NAV3: variants seen among roughly 807,000 people sequenced by gnomAD.
The protein encoded by NAV3 is neuron navigator 3.
A neutral mutation model predicts 244.7 loss-of-function variants in NAV3; 87 were observed. That is an observed-to-expected ratio of 0.36 (90% CI 0.30 to 0.42). NAV3 has a LOEUF of 0.42. Among genes scored for constraint, NAV3 ranks in the 20% least tolerant of loss-of-function variants. The pLI, the probability that NAV3 is intolerant of heterozygous loss-of-function variation, is 1.00. For synonymous variants in NAV3, 1,126 were observed against 1,042.2 expected (o/e 1.08, Z -1.55); for missense variants, 2,663 against 2,893.3 (o/e 0.92, Z 1.83).
At chr12:77,987,105 T>C (rs1478199676) in intron 5 of NAV3, among the ~76,000 whole-genome samples, 2 of 152,212 alleles carry the variant, frequency 1.3e-5, no homozygotes, top group African/African-American at 4.8e-5. Flanking sequence ...AGTTTTTAAA[T>C]ATTATTTCTC....
chr12:77,813,352 C>A (rs1872384226), intron 2 of NAV3, among the ~76,000 whole-genome samples: 1 of 152,078 alleles, frequency 6.6e-6, no homozygotes, highest in East Asian at 1.9e-4. Context: ...GGTTCTCTGC[C>A]TTTCCAGGTT....
chr12:78,147,030 G>A (rs1263477611), intron 21 of NAV3, among the ~76,000 whole-genome samples: 1 of 152,040 alleles, frequency 6.6e-6, no homozygotes, highest in Non-Finnish European at 1.5e-5. Flanking sequence ...TGAGGTAATG[G>A]CTGTTTGATT....
chr12:77,608,074 A>G (rs1433219448), intron 2 of NAV3, among the ~76,000 whole-genome samples: 5 of 152,152 alleles, frequency 3.3e-5, no homozygotes, highest in Non-Finnish European at 7.4e-5. Context: ...GACTTGAAAG[A>G]CTTTCAAAGG....
Position 78,177,705 on chromosome 12 carries a change from A to C in NAV3, c.5363+20A>C, listed in dbSNP as rs371239886. ...ATCTCGGTAAAGTGGAGTGCGATGC[A>C]TGAATACTGCAAAGATCCAGGTTCT... On this transcript the variant is annotated intron_variant, in intron 28 of 39. Coordinates refer to ENST00000397909, the MANE Select transcript of NAV3 (RefSeq NM_001024383.2). The C allele has an allele frequency of 5.0e-6, 8 of 1,594,632 alleles. No homozygotes were observed. The East Asian group carries it at 1.8e-4, about 36-fold the overall frequency.
intron 1 of NAV3, among the ~76,000 whole-genome samples, chr12:77,861,196 T>C (rs765242588): frequency 1.2e-4 from 18 of 151,772 alleles, no homozygotes; most frequent in Non-Finnish European, 1.9e-4. Flanking sequence ...GATTAAAATC[T>C]TTCCCAGATT....
chr12:78,010,556 G>C (rs1396211070), intron 8 of NAV3, among the ~76,000 whole-genome samples: 1 of 152,044 alleles, frequency 6.6e-6, no homozygotes, highest in African/African-American at 2.4e-5. Flanking sequence ...AATCTCTTCA[G>C]ATCATAAAGC....
chr12:77,657,965 A>G (rs1873205655), intron 2 of NAV3, among the ~76,000 whole-genome samples: 1 of 152,194 alleles, frequency 6.6e-6, no homozygotes, highest in Non-Finnish European at 1.5e-5. Context: ...TCTCAAAATA[A>G]TAAGAACTAT....
chr12:78,076,879 T>A (rs1953078137), intron 12 of NAV3, among the ~76,000 whole-genome samples: 1 of 152,170 alleles, frequency 6.6e-6, no homozygotes, highest in African/African-American at 2.4e-5. Context: ...AATTTTAAAA[T>A]ATTTTGACCA....
At chr12:77,812,084 T>C (rs1520730) in intron 2 of NAV3, among the ~76,000 whole-genome samples, 140,787 of 152,188 alleles carry the variant, frequency 0.93, 66,007 homozygotes, top group East Asian at 1. Context: ...TGAGATGTGC[T>C]CTATTTTTTA....
At chr12:77,754,264 G>A (rs538563431) in intron 2 of NAV3, among the ~76,000 whole-genome samples, 20 of 152,096 alleles carry the variant, frequency 1.3e-4, no homozygotes, top group South Asian at 4.1e-4. Flanking sequence ...GAATACCAAC[G>A]CCCCAGTCAC....
intron 1 of NAV3, among the ~76,000 whole-genome samples, chr12:77,862,016 T>A (rs1879328913): frequency 6.6e-6 from 1 of 151,804 alleles, no homozygotes; most frequent in South Asian, 2.1e-4. Flanking sequence ...CACACATGAA[T>A]ATACTTTTCT....
chr12:77,720,659 A>G (rs550600056), intron 2 of NAV3, among the ~76,000 whole-genome samples: 47 of 152,248 alleles, frequency 3.1e-4, no homozygotes, highest in African/African-American at 9.1e-4. Context: ...TTCCCTCTCT[A>G]GGAAGAAGCT....
intron 22 of NAV3, among the ~76,000 whole-genome samples, chr12:78,154,982 AC>A: frequency 6.6e-6 from 1 of 152,166 alleles, no homozygotes; most frequent in South Asian, 2.1e-4. Flanking sequence ...AATCTGATAA[AC>A]TAAACCAAGG....
intron 2 of NAV3, among the ~76,000 whole-genome samples, chr12:77,583,055 T>A (rs1869441725): frequency 6.6e-6 from 1 of 152,222 alleles, no homozygotes; most frequent in African/African-American, 2.4e-5. Flanking sequence ...CATTACACTT[T>A]CCTAACATTT....
chr12:77,660,790 C>T (rs996110186), intron 2 of NAV3, among the ~76,000 whole-genome samples: 5 of 152,060 alleles, frequency 3.3e-5, no homozygotes, highest in African/African-American at 9.7e-5. Context: ...ATGGAACTAG[C>T]TTTGTCTCTA....
At chr12:77,997,203 A>T (rs1181200897) in intron 6 of NAV3, among the ~76,000 whole-genome samples, 1 of 138,916 alleles carries the variant, frequency 7.2e-6, no homozygotes, top group African/African-American at 2.7e-5. Context: ...GTGCCACTGC[A>T]CTCTAGCCTG....
upstream of NAV3, among the ~76,000 whole-genome samples, chr12:77,829,351 G>A (rs2136057330): frequency 6.6e-6 from 1 of 152,230 alleles, no homozygotes. Context: ...TTTCTGAGGT[G>A]CCAATATTAT....
intron 28 of NAV3, among the ~76,000 whole-genome samples, chr12:78,179,092 T>C (rs1466193154): frequency 6.6e-6 from 1 of 152,128 alleles, no homozygotes; most frequent in Admixed American, 6.6e-5. Flanking sequence ...AGCTTTTTTT[T>C]TGCACAATTT....
At chr12:77,955,967 T>C (rs1367863128) in intron 3 of NAV3, among the ~76,000 whole-genome samples, 1 of 152,202 alleles carries the variant, frequency 6.6e-6, no homozygotes, top group Non-Finnish European at 1.5e-5. Flanking sequence ...TTGCATTAAA[T>C]TGGAATTACC....
Sources: allele counts gnomAD v4.1 joint callset (sites outside exome capture counted in the v4.1 genomes callset), GRCh38; gene constraint gnomAD v4.1.1; transcripts MANE v1.5; gene names NCBI Gene and HGNC (gene_info 2026-07-23, HGNC 2026-07-21).